Variants in TMEM117 observed in about 807,000 individuals in gnomAD.
TMEM117 encodes transmembrane protein 117.
In TMEM117, 27 loss-of-function variants were observed where a neutral mutation model predicts 52.4. The observed-to-expected ratio is 0.51, with a 90% CI of 0.38 to 0.71. The LOEUF (loss-of-function observed/expected upper bound fraction) is 0.71. Among genes scored for constraint, TMEM117 ranks in the 30% least tolerant of loss-of-function variants. The probability of loss-of-function intolerance (pLI) is 0.00; values close to 1 mark genes in which losing one functional copy is unlikely to be tolerated. For missense variants in TMEM117, 556 were observed against 630.5 expected (o/e 0.88, Z 1.26); for synonymous variants, 215 against 206.3 (o/e 1.04, Z -0.36).
At position 44,069,716 on chromosome 12, in the gene TMEM117, A is replaced by G. The variant is rs1403017356; in HGVS notation, c.411-73809A>G. Among the ~76,000 whole-genome samples the G allele has an allele frequency of 2.6e-5, 4 of 152,252 alleles. 1 individual carries two copies. Among genetic ancestry groups the G allele is most frequent in the Admixed American group, 1.3e-4 (2 of 15,284 alleles). On this transcript the variant is annotated intron_variant, in intron 3 of 7. Coordinates refer to ENST00000266534, the MANE Select transcript of TMEM117 (RefSeq NM_032256.3). ...CTTTAAAATGATTATTCTGGCTTCT[A>G]TCCCTATTTCAGGAATATATTTGTC...
chr12:44,163,765 C>T (rs1260059975), intron 4 of TMEM117, among the ~76,000 whole-genome samples: 1 of 152,178 alleles, frequency 6.6e-6, no homozygotes, highest in Non-Finnish European at 1.5e-5. Context: ...GCCAGTGTCA[C>T]AAATGTGACT....
intron 6 of TMEM117, among the ~76,000 whole-genome samples, chr12:44,370,254 A>T (rs1187913095): frequency 1.3e-5 from 2 of 152,156 alleles, no homozygotes; most frequent in Admixed American, 1.3e-4. Flanking sequence ...AATATTTACA[A>T]TGACTTCCAC....
chr12:44,388,044 G>T lies in TMEM117; in HGVS notation c.917G>T (p.Gly306Val). Reference protein sequence around the residue: ...IHITGKWFNYGIIFLVLILDL... With the variant: ...IHITGKWFNYVIIFLVLILDL... ...AATGCAGGCAAATGGTTTAACTATGGAATTATCTTCCTCGTCTTGATTTTG... is the reference window on the plus strand; with the variant it reads ...AATGCAGGCAAATGGTTTAACTATGTAATTATCTTCCTCGTCTTGATTTTG... Residue 306 changes from glycine (G) to valine (V), a missense_variant, in exon 8 of 8, where the codon GGA becomes GTA. By Grantham distance (109) the Gly-to-Val change is moderately radical. Coordinates refer to ENST00000266534, the MANE Select transcript of TMEM117 (RefSeq NM_032256.3). 6.2e-7 allele frequency: 1 copy of T among 1,610,014 alleles called. No individual in the cohort carries two copies. The highest frequency in any genetic ancestry group is 8.5e-7 in the Non-Finnish European group (1 of 1,177,988).
At chr12:44,376,356 C>CA in intron 6 of TMEM117, 7 of 542,338 alleles carry the variant, frequency 1.3e-5, no homozygotes, top group Admixed American at 9.2e-5. Flanking sequence ...GTATTGGTTT[C>CA]TTATTACCAC....
chr12:43,856,513 T>C (rs1042709681), intron 2 of TMEM117, among the ~76,000 whole-genome samples: 1 of 152,158 alleles, frequency 6.6e-6, no homozygotes, highest in African/African-American at 2.4e-5. Context: ...AAACAGTCCC[T>C]CATACCCCAT....
chr12:43,944,088 GCAGTC>G, intron 2 of TMEM117, 117 bp from the exon 3 acceptor site: 1 of 788,612 alleles, frequency 1.3e-6, no homozygotes, highest in Non-Finnish European at 2.0e-6. Flanking sequence ...CACTCATAAG[GCAGTC>G]TTATGGCAAA....
chr12:43,813,388 C>T, the TMEM117 span, among the ~76,000 whole-genome samples: 2 of 151,674 alleles, frequency 1.3e-5, no homozygotes, highest in South Asian at 2.1e-4. Context: ...GGATTACAGG[C>T]GCCTGCCACC....
At chr12:44,155,270 A>G (rs1255342297) in intron 4 of TMEM117, among the ~76,000 whole-genome samples, 1 of 152,096 alleles carries the variant, frequency 6.6e-6, no homozygotes, top group African/African-American at 2.4e-5. Flanking sequence ...TATATACGAA[A>G]CACATGTAAA....
At chr12:44,045,342 C>T (rs1263371450) in intron 3 of TMEM117, among the ~76,000 whole-genome samples, 1 of 152,156 alleles carries the variant, frequency 6.6e-6, no homozygotes, top group African/African-American at 2.4e-5. Context: ...CAGCTAGTTA[C>T]CTGGTAGTAG....
At chr12:44,163,264 G>A (rs915576291) in intron 4 of TMEM117, among the ~76,000 whole-genome samples, 1 of 152,100 alleles carries the variant, frequency 6.6e-6, no homozygotes, top group Non-Finnish European at 1.5e-5. Context: ...GCCCACTGAG[G>A]CTTTTCAGAC....
intron 3 of TMEM117, among the ~76,000 whole-genome samples, chr12:44,090,125 T>C (rs1202879883): frequency 6.6e-6 from 1 of 152,198 alleles, no homozygotes; most frequent in Non-Finnish European, 1.5e-5. Flanking sequence ...TTAAACATGG[T>C]ATATATTCAG....
intron 2 of TMEM117, among the ~76,000 whole-genome samples, chr12:43,927,681 T>G (rs375370167): frequency 6.6e-6 from 1 of 152,030 alleles, no homozygotes; most frequent in South Asian, 2.1e-4. Flanking sequence ...ATTCCTAACA[T>G]TGTTTTTTAA....
intron 4 of TMEM117, among the ~76,000 whole-genome samples, chr12:44,156,420 T>C (rs1948826705): frequency 6.6e-6 from 1 of 152,046 alleles, no homozygotes; most frequent in South Asian, 2.1e-4. Context: ...TTTACCTGAA[T>C]TTCATAAGGC....
At chr12:43,817,156 A>G in the TMEM117 span, among the ~76,000 whole-genome samples, 2 of 152,244 alleles carry the variant, frequency 1.3e-5, no homozygotes, top group South Asian at 2.1e-4. Flanking sequence ...AGAGTTTTCA[A>G]TTTTCAGGAA....
chr12:43,976,383 G>T (rs1945670461), intron 3 of TMEM117, among the ~76,000 whole-genome samples: 1 of 151,252 alleles, frequency 6.6e-6, no homozygotes, highest in African/African-American at 2.5e-5. Context: ...GGCACTAGGG[G>T]CCCAAGAGAG....
chr12:43,948,879 C>T (rs903524810), intron 3 of TMEM117, among the ~76,000 whole-genome samples: 3 of 152,052 alleles, frequency 2.0e-5, no homozygotes, highest in East Asian at 1.9e-4. Flanking sequence ...AAAACTCGGG[C>T]GGTAAGACTA....
chr12:43,998,560 A>C (rs1466115716), intron 3 of TMEM117, among the ~76,000 whole-genome samples: 1 of 152,198 alleles, frequency 6.6e-6, no homozygotes, highest in Non-Finnish European at 1.5e-5. Flanking sequence ...ATCACATTTT[A>C]TTTAAGAAAT....
chr12:44,393,652 G>A (rs1316408046), downstream of TMEM117, among the ~76,000 whole-genome samples: 2 of 152,080 alleles, frequency 1.3e-5, no homozygotes, highest in Non-Finnish European at 2.9e-5. Context: ...TGTATCAAAT[G>A]GGATCTTTGG....
At chr12:44,149,779 A>G (rs1219266830) in intron 4 of TMEM117, among the ~76,000 whole-genome samples, 2 of 152,216 alleles carry the variant, frequency 1.3e-5, no homozygotes, top group Admixed American at 6.5e-5. Flanking sequence ...CCAATTTTCT[A>G]ATTATTTCTC....
Sources: allele counts gnomAD v4.1 joint callset (sites outside exome capture counted in the v4.1 genomes callset), GRCh38; gene constraint gnomAD v4.1.1; transcripts MANE v1.5; gene names NCBI Gene and HGNC (gene_info 2026-07-23, HGNC 2026-07-21).